RWDD4: variants seen among roughly 807,000 people sequenced by gnomAD.
The protein encoded by RWDD4 is RWD domain containing 4, also known as RWD domain-containing protein 4.
Under a neutral mutation model 30.0 loss-of-function variants are expected in RWDD4, and 16 were observed. The observed-to-expected ratio is 0.53, with a 90% CI of 0.36 to 0.81. RWDD4 has a LOEUF of 0.81. Among genes scored for constraint, RWDD4 ranks in the 30% least tolerant of loss-of-function variants. The pLI is 0.00. For missense variants in RWDD4, 170 were observed against 223.9 expected (o/e 0.76, Z 1.54); for synonymous variants, 45 against 72.1 (o/e 0.62, Z 1.90).
intron 1 of RWDD4, among the ~76,000 whole-genome samples, chr4:183,658,097 C>T (rs889705689): frequency 1.3e-5 from 2 of 152,214 alleles, no homozygotes; most frequent in Non-Finnish European, 2.9e-5. Context: ...AACTAGCTAG[C>T]TTGTTGGACT....
intron 2 of RWDD4, 125 bp from the exon 3 acceptor site, chr4:183,651,452 A>G (rs1734075199): frequency 1.3e-6 from 1 of 753,438 alleles, no homozygotes; most frequent in Non-Finnish European, 2.2e-6. Flanking sequence ...AATATTTTGA[A>G]AAGTCCAGTG....
At chr4:183,643,448 G>A (rs896985367) in intron 7 of RWDD4, among the ~76,000 whole-genome samples, 348 of 31,728 alleles carry the variant, frequency 0.011, 1 homozygote, top group Non-Finnish European at 0.015. Flanking sequence ...AAAAAAAAAA[G>A]CATTTAAGGG....
chr4:183,652,188 C>T (rs1293827770), intron 2 of RWDD4, among the ~76,000 whole-genome samples: 5 of 152,138 alleles, frequency 3.3e-5, no homozygotes, highest in Non-Finnish European at 7.3e-5. Context: ...TACAAAAATG[C>T]TATCTAATAC....
chr4:183,649,394 A>G (rs1053690518), intron 5 of RWDD4, 57 bp downstream of exon 5: 2 of 1,159,216 alleles, frequency 1.7e-6, no homozygotes, highest in African/African-American at 3.1e-5. Context: ...AGCCTGGGCA[A>G]CAAGAGTGAG....
At position 183,649,478 on chromosome 4, in the gene RWDD4, G is replaced by C. The variant is rs1256869071; in HGVS notation, c.454C>G (p.Gln152Glu). Residue 152 changes from glutamine to glutamate, a missense_variant, in exon 5 of 8, where the codon CAG becomes GAG. Coordinates refer to ENST00000326397, the MANE Select transcript of RWDD4 (RefSeq NM_152682.4). ...GTTTTGTCTGCCAGCTTACGCTTCT[G>C]GGCTTTTGAAAGTTGTTCTTTTTTG... ...KDKKEQLSKA[Q>E]KRKLADKTDH... The C allele has an allele frequency of 6.2e-7, 1 of 1,611,140 alleles. No homozygotes were observed. The highest frequency in any genetic ancestry group is 8.5e-7 in the Non-Finnish European group (1 of 1,178,120).
At chr4:183,652,152 A>G (rs1734089284) in intron 2 of RWDD4, among the ~76,000 whole-genome samples, 1 of 152,176 alleles carries the variant, frequency 6.6e-6, no homozygotes, top group African/African-American at 2.4e-5. Flanking sequence ...CAAGATCATT[A>G]TTACACCCAA....
intron 1 of RWDD4, among the ~76,000 whole-genome samples, 195 bp downstream of exon 1, chr4:183,658,734 G>C (rs935678277): frequency 6.6e-6 from 1 of 152,224 alleles, no homozygotes; most frequent in Non-Finnish European, 1.5e-5. Context: ...AAAATGAGGG[G>C]GGAAGAGTGG....
At chr4:183,654,574 G>C (rs35846661) in intron 2 of RWDD4, among the ~76,000 whole-genome samples, 9,701 of 151,966 alleles carry the variant, frequency 0.064, 411 homozygotes, top group Middle Eastern at 0.13. Flanking sequence ...AAATGTCCTA[G>C]GGCATTCTGC....
At chr4:183,658,764 A>G (rs1478648810) in intron 1 of RWDD4, among the ~76,000 whole-genome samples, 165 bp downstream of exon 1, 3 of 152,214 alleles carry the variant, frequency 2.0e-5, no homozygotes, top group African/African-American at 7.2e-5. Flanking sequence ...ACTCCTGGCC[A>G]TTCACGCGCG....
chr4:183,649,719 C>T (rs1734037812), intron 4 of RWDD4, 151 bp from the exon 5 acceptor site: 1 of 474,224 alleles, frequency 2.1e-6, no homozygotes, highest in Non-Finnish European at 3.7e-6. Flanking sequence ...ATCAAGTGCC[C>T]TTAACACATT....
Position 183,659,092 on chromosome 4 carries a change from C to G in RWDD4, c.-140G>C. On this transcript the variant is annotated 5_prime_UTR_variant, in exon 1 of 8. Transcript: ENST00000326397. ...GCACAGTCTTGGCACTGGCAGACGC[C>G]AACTGCGCGCGCCCCGAGCCTCGGC... The G allele has an allele frequency of 3.4e-6, 2 of 587,510 alleles. No individual in the cohort carries two copies. Among genetic ancestry groups the G allele is most frequent in the Non-Finnish European group, 2.5e-6 (1 of 400,318 alleles). 36.4% of individuals were successfully genotyped at this position (587,510 alleles called of 1,614,324 possible).
At chr4:183,653,487 C>G (rs1486388958) in intron 2 of RWDD4, 1 of 152,046 alleles carries the variant, frequency 6.6e-6, no homozygotes, top group Non-Finnish European at 1.5e-5. Flanking sequence ...ACCTTTCACC[C>G]AAAGGTTTTA....
Position 183,646,246 on chromosome 4 carries a change from G to A in RWDD4, c.534+105C>T. The A allele has an allele frequency of 5.6e-6, 4 of 712,498 alleles. No homozygotes were observed. In the South Asian group the frequency reaches 6.6e-5, roughly 12 times the overall value. 44.1% of individuals were successfully genotyped at this position (712,498 alleles called of 1,614,324 possible). ...TGTGCTTACATAGTCATACTATATT[G>A]TAGTTTTAACTTCTGCAAATTTTCC... On this transcript the variant is annotated intron_variant, in intron 7 of 7. Transcript: ENST00000326397.
chr4:183,655,983 G>C (rs1237482030), intron 1 of RWDD4, 22 bp from the exon 2 acceptor site: 2 of 1,477,538 alleles, frequency 1.4e-6, no homozygotes, highest in Non-Finnish European at 1.9e-6. Flanking sequence ...AACTGAATGA[G>C]TTTTGTTTAG....
At chr4:183,650,922 T>A in intron 4 of RWDD4, 62 bp downstream of exon 4, 1 of 1,555,360 alleles carries the variant, frequency 6.4e-7, no homozygotes, top group Non-Finnish European at 8.7e-7. Flanking sequence ...AGTACAAATT[T>A]ATTGCTAACA....
rs1437278675 is a variant in RWDD4, at chr4:183,645,510, C to T, written c.534+841G>A. ...CAAGGCCAGGTGTGGTGGCTGCCGC[C>T]GGCAATCCCAGCACGTTGTGAGGCC... On this transcript the variant is annotated intron_variant, in intron 7 of 7. Coordinates refer to ENST00000326397, the MANE Select transcript of RWDD4 (RefSeq NM_152682.4). Among the ~76,000 whole-genome samples, 5 of 151,656 alleles carry T rather than the reference C, an allele frequency of 3.3e-5. No individual in the cohort carries two copies. The East Asian group carries it at 9.8e-4, about 30-fold the overall frequency.
Position 183,655,872 on chromosome 4 carries a change from A to G in RWDD4, c.105+9T>C. Reference sequence around the variant, plus strand: ...AGTTCTAAGTGCTCTTATTCATGCCATGTCTTACCCTATATTGAAAAGAAA... The same window carrying G: ...AGTTCTAAGTGCTCTTATTCATGCCGTGTCTTACCCTATATTGAAAAGAAA... On this transcript the variant is annotated intron_variant, in intron 2 of 7. Coordinates refer to ENST00000326397, the MANE Select transcript of RWDD4 (RefSeq NM_152682.4). 1.3e-6 allele frequency: 2 copies of G among 1,574,532 alleles called. No individual in the cohort carries two copies. The highest frequency in any genetic ancestry group is 1.7e-6 in the Non-Finnish European group (2 of 1,148,270).
In RWDD4 at chr4:183,658,910, C is replaced by T; in HGVS notation, c.24+19G>A. ...CGCCGCGCCCGCGCTGGGAGAGGGC[C>T]CTGAGCCGGGGGGCTCACCTCCTGG... On this transcript the variant is annotated intron_variant, in intron 1 of 7. Transcript: ENST00000326397. The T allele has an allele frequency of 7.9e-7, 1 of 1,259,106 alleles. No homozygotes were observed. Among genetic ancestry groups the T allele is most frequent in the Non-Finnish European group, 1.0e-6 (1 of 1,003,340 alleles). 78.0% of individuals were successfully genotyped at this position (1,259,106 alleles called of 1,614,324 possible).
intron 4 of RWDD4, among the ~76,000 whole-genome samples, chr4:183,650,644 C>T (rs950779815): frequency 6.6e-5 from 10 of 152,186 alleles, no homozygotes; most frequent in East Asian, 3.9e-4. Flanking sequence ...CAATTTCATA[C>T]TTATTTTAGC....
Sources: allele counts gnomAD v4.1 joint callset (sites outside exome capture counted in the v4.1 genomes callset), GRCh38; gene constraint gnomAD v4.1.1; transcripts MANE v1.5; gene names NCBI Gene and HGNC (gene_info 2026-07-23, HGNC 2026-07-21).